The following TDRD5 variants were observed in gnomAD, a reference collection of about 807,000 sequenced individuals.
The protein encoded by TDRD5 is tudor domain-containing protein 5.
A neutral mutation model predicts 120.6 loss-of-function variants in TDRD5; 41 were observed. The observed-to-expected ratio is 0.34, with a 90% CI of 0.26 to 0.44. The LOEUF (loss-of-function observed/expected upper bound fraction) is 0.44. Ranked by LOEUF, TDRD5 falls within the 20% of genes least tolerant of loss-of-function variation. The pLI is 1.00. For missense variants in TDRD5, 1,006 were observed against 1,221.2 expected (o/e 0.82, Z 2.63); for synonymous variants, 430 against 433.7 (o/e 0.99, Z 0.11).
Position 179,592,764 on chromosome 1 carries a change from A to G in TDRD5, c.149A>G (p.Tyr50Cys), listed in dbSNP as rs1194758610. The part of the protein sequence containing the change: ...GNHLPLRILG[Y>C]RSTMELVLDM... ...CATCTACCACTCCGAATCCTTGGGTATCGGTCCACTATGGAGCTGGTATTG... is the reference window on the plus strand; with the variant it reads ...CATCTACCACTCCGAATCCTTGGGTGTCGGTCCACTATGGAGCTGGTATTG... The change falls in exon 2 of 18, where the codon TAT becomes TGT. Residue 50 changes from tyrosine (Y) to cysteine (C), a missense_variant. Around this residue, in one of 3 missense-constraint regions of TDRD5, gnomAD observed 445 missense variants for 515.5 expected, o/e 0.86. Coordinates refer to ENST00000444136, the MANE Select transcript of TDRD5 (RefSeq NM_001199085.3). 1 of 1,614,168 alleles carries G rather than the reference A, an allele frequency of 6.2e-7. No individual in the cohort carries two copies. Among genetic ancestry groups the G allele is most frequent in the South Asian group, 1.1e-5 (1 of 91,078 alleles).
chr1:179,623,305 T>G (rs1330402905), intron 6 of TDRD5, among the ~76,000 whole-genome samples: 1 of 152,190 alleles, frequency 6.6e-6, no homozygotes, highest in African/African-American at 2.4e-5. Context: ...GTAGTAAATA[T>G]CTGGGCATAT....
At chr1:179,628,105 A>G (rs939241476) in intron 6 of TDRD5, among the ~76,000 whole-genome samples, 2 of 152,106 alleles carry the variant, frequency 1.3e-5, no homozygotes, top group Non-Finnish European at 2.9e-5. Context: ...GCCTGTGGGG[A>G]TATTCATTAT....
chr1:179,654,352 A>G lies in TDRD5; in HGVS notation c.2312A>G (p.Glu771Gly). 2 of 1,529,496 alleles carry G rather than the reference A, an allele frequency of 1.3e-6. No homozygotes were observed. The highest frequency in any genetic ancestry group is 1.8e-6 in the Non-Finnish European group (2 of 1,137,296). 94.7% of individuals were successfully genotyped at this position (1,529,496 alleles called of 1,614,324 possible). ...WSNPEPNDLKEENEDEIPTGM... is the reference protein window; with the variant it reads ...WSNPEPNDLKGENEDEIPTGM... Reference sequence around the variant, plus strand: ...AACCCAGAACCAAACGATCTGAAGGAAGAAAATGAGGTAGGAGAAGGAAAG... The same window carrying G: ...AACCCAGAACCAAACGATCTGAAGGGAGAAAATGAGGTAGGAGAAGGAAAG... The change falls in exon 14 of 18, where the codon GAA becomes GGA. Residue 771 changes from glutamate (E) to glycine (G), a missense_variant. Coordinates refer to ENST00000444136, the MANE Select transcript of TDRD5 (RefSeq NM_001199085.3).
At chr1:179,623,625 C>CTTTTTTTTTT (rs11428251) in intron 6 of TDRD5, among the ~76,000 whole-genome samples, 24 of 97,896 alleles carry the variant, frequency 2.5e-4, no homozygotes, top group East Asian at 3.6e-4. Context: ...CCAACTCATT[C>CTTTTTTTTTT]TTTTTTTTTT....
intron 16 of TDRD5, among the ~76,000 whole-genome samples, chr1:179,665,197 T>G (rs1226749685): frequency 6.6e-6 from 1 of 152,180 alleles, no homozygotes; most frequent in African/African-American, 2.4e-5. Flanking sequence ...TTTTCTACTC[T>G]TCTGTTTTTC....
intron 16 of TDRD5, among the ~76,000 whole-genome samples, chr1:179,665,472 TACCAGC>T (rs1357377769): frequency 6.6e-6 from 1 of 152,190 alleles, no homozygotes; most frequent in Non-Finnish European, 1.5e-5. Context: ...CATTCAGCTG[TACCAGC>T]ACTAGTTGTT....
intron 6 of TDRD5, among the ~76,000 whole-genome samples, chr1:179,627,627 A>G (rs1378263653): frequency 6.6e-6 from 1 of 152,194 alleles, no homozygotes; most frequent in Non-Finnish European, 1.5e-5. Flanking sequence ...ATTAAAAACT[A>G]GGTTCACATT....
intron 6 of TDRD5, among the ~76,000 whole-genome samples, chr1:179,624,521 T>C (rs1677014851): frequency 6.6e-6 from 1 of 152,162 alleles, no homozygotes; most frequent in African/African-American, 2.4e-5. Context: ...TAGAATATAC[T>C]AAGGAATCCA....
chr1:179,630,698 G>A (rs981418553), intron 6 of TDRD5, 69 bp from the exon 7 acceptor site: 2 of 1,506,440 alleles, frequency 1.3e-6, no homozygotes, highest in Non-Finnish European at 9.0e-7. Flanking sequence ...GGTTGTCCAA[G>A]GACAACTATA....
At chr1:179,671,949 G>GGTGT (rs111855083) in intron 17 of TDRD5, among the ~76,000 whole-genome samples, 3,284 of 141,756 alleles carry the variant, frequency 0.023, 45 homozygotes, top group East Asian at 0.029. Context: ...AATATTCCAT[G>GGTGT]GTGTGTGTGT....
intron 6 of TDRD5, among the ~76,000 whole-genome samples, chr1:179,626,077 G>C (rs377261980): frequency 2.0e-3 from 299 of 151,804 alleles, no homozygotes; most frequent in Non-Finnish European, 3.1e-3. Context: ...GGTGGGGCAG[G>C]GGGGAGGGAT....
chr1:179,594,928 T>C (rs1447727868), intron 3 of TDRD5, among the ~76,000 whole-genome samples: 1 of 152,238 alleles, frequency 6.6e-6, no homozygotes, highest in Non-Finnish European at 1.5e-5. Context: ...GAAAGCACTT[T>C]ACCAATTTAT....
At chr1:179,689,883 A>G (rs1467801216) in intron 17 of TDRD5, among the ~76,000 whole-genome samples, 1 of 152,094 alleles carries the variant, frequency 6.6e-6, no homozygotes, top group African/African-American at 2.4e-5. Context: ...CTGGTGTGCC[A>G]TTTGCTACGA....
chr1:179,667,074 C>A (rs4652433), intron 16 of TDRD5, among the ~76,000 whole-genome samples: 5 of 152,104 alleles, frequency 3.3e-5, no homozygotes, highest in African/African-American at 4.8e-5. Context: ...TCTTATCCAG[C>A]ATATCTGGGG....
chr1:179,675,242 A>G (rs1270011500), intron 17 of TDRD5, among the ~76,000 whole-genome samples: 1 of 145,100 alleles, frequency 6.9e-6, no homozygotes, highest in African/African-American at 2.5e-5. Context: ...TGTATCATTC[A>G]GTTCAAAGAA....
intron 17 of TDRD5, among the ~76,000 whole-genome samples, chr1:179,670,483 C>T (rs1679806025): frequency 6.6e-6 from 1 of 152,096 alleles, no homozygotes. Flanking sequence ...TTAGAAACTG[C>T]CAAAATTTTC....
At chr1:179,594,202 A>G (rs1056558679) in intron 3 of TDRD5, among the ~76,000 whole-genome samples, 1 of 152,228 alleles carries the variant, frequency 6.6e-6, no homozygotes, top group Non-Finnish European at 1.5e-5. Flanking sequence ...CTTTACATGA[A>G]TGTGTTCATA....
chr1:179,607,773 GT>G (rs1286888087), intron 4 of TDRD5, among the ~76,000 whole-genome samples: 2 of 151,490 alleles, frequency 1.3e-5, no homozygotes, highest in Non-Finnish European at 2.9e-5. Context: ...CTTAGAAAAT[GT>G]TTAAGGTAAA....
intron 14 of TDRD5, among the ~76,000 whole-genome samples, chr1:179,656,737 C>T (rs1355810022): frequency 1.3e-5 from 2 of 152,164 alleles, no homozygotes; most frequent in African/African-American, 4.8e-5. Flanking sequence ...TTACTGTAGA[C>T]TTACATAGTA....
Sources: allele counts gnomAD v4.1 joint callset (sites outside exome capture counted in the v4.1 genomes callset), GRCh38; gene constraint gnomAD v4.1.1; regional missense constraint gnomAD v4.1.1; transcripts MANE v1.5; gene names NCBI Gene and HGNC (gene_info 2026-07-23, HGNC 2026-07-21).